The following PDE3B variants were observed in gnomAD, a reference collection of about 807,000 sequenced individuals.
The protein encoded by PDE3B is cGMP-inhibited 3',5'-cyclic phosphodiesterase 3B.
PDE3B carries 66 observed loss-of-function variants against 116.8 expected under a neutral mutation model. That is an observed-to-expected ratio of 0.56 (90% CI 0.46 to 0.69). The LOEUF is 0.69. Among genes scored for constraint, PDE3B ranks in the 30% least tolerant of loss-of-function variants. The pLI, the probability that PDE3B is intolerant of heterozygous loss-of-function variation, is 0.00. For missense variants in PDE3B, 1,384 were observed against 1,368.1 expected, an observed-to-expected ratio of 1.01 and a Z score of -0.18; for synonymous variants, 595 against 533.6, an observed-to-expected ratio of 1.12 and a Z score of -1.59.
At chr11:14,896,972 A>C in the PDE3B span, among the ~76,000 whole-genome samples, 1 of 152,246 alleles carries the variant, frequency 6.6e-6, no homozygotes, top group African/African-American at 2.4e-5. Context: ...ATGAAAAAGG[A>C]AACAATAATT....
At chr11:14,794,554 T>G (rs1778407138) in intron 4 of PDE3B, among the ~76,000 whole-genome samples, 1 of 152,132 alleles carries the variant, frequency 6.6e-6, no homozygotes, top group Non-Finnish European at 1.5e-5. Context: ...CCTCAGGTGA[T>G]CTGCCTGCCT....
At chr11:14,692,792 A>G (rs1441744827) in intron 1 of PDE3B, among the ~76,000 whole-genome samples, 3 of 152,112 alleles carry the variant, frequency 2.0e-5, no homozygotes, top group Non-Finnish European at 2.9e-5. Flanking sequence ...AAATGGGCCG[A>G]TTAATAATCC....
At chr11:14,652,266 T>C (rs1160625602) in intron 1 of PDE3B, among the ~76,000 whole-genome samples, 1 of 152,186 alleles carries the variant, frequency 6.6e-6, no homozygotes, top group East Asian at 1.9e-4. Context: ...AAGTGTTGGC[T>C]TCTTTGTTGA....
intron 4 of PDE3B, among the ~76,000 whole-genome samples, chr11:14,792,880 A>G (rs1285235468): frequency 6.6e-6 from 1 of 152,162 alleles, no homozygotes; most frequent in East Asian, 1.9e-4. Flanking sequence ...TCCCTTCTCC[A>G]AGGAGAAGTA....
chr11:14,888,284 C>A, the PDE3B span, among the ~76,000 whole-genome samples: 1 of 152,216 alleles, frequency 6.6e-6, no homozygotes, highest in Admixed American at 6.5e-5. Flanking sequence ...GTTTTGGTCA[C>A]TGCTATATCT....
intron 1 of PDE3B, among the ~76,000 whole-genome samples, chr11:14,765,103 A>G (rs1383330141): frequency 6.6e-6 from 1 of 152,018 alleles, no homozygotes; most frequent in Non-Finnish European, 1.5e-5. Flanking sequence ...AAAAAGTTGG[A>G]AACACTGAAT....
At chr11:14,714,717 C>T (rs1490498979) in intron 1 of PDE3B, among the ~76,000 whole-genome samples, 1 of 152,104 alleles carries the variant, frequency 6.6e-6, no homozygotes, top group African/African-American at 2.4e-5. Flanking sequence ...CCACCAGCCA[C>T]ACATAGCTAT....
At chr11:14,731,881 G>A (rs1056815324) in intron 1 of PDE3B, among the ~76,000 whole-genome samples, 15 of 152,134 alleles carry the variant, frequency 9.9e-5, no homozygotes, top group Middle Eastern at 3.2e-3. Context: ...CACTTATAGA[G>A]GGAAGTAGAA....
intron 1 of PDE3B, among the ~76,000 whole-genome samples, chr11:14,695,009 G>A (rs930316548): frequency 4.6e-5 from 7 of 151,962 alleles, no homozygotes; most frequent in African/African-American, 7.3e-5. Context: ...CAAGTATGCC[G>A]TATTCCCAGC....
intron 1 of PDE3B, among the ~76,000 whole-genome samples, chr11:14,759,761 A>G (rs962032735): frequency 1.3e-5 from 2 of 151,774 alleles, no homozygotes; most frequent in Admixed American, 1.3e-4. Context: ...GTTGGCCCAG[A>G]TGGTCTCTAT....
intron 1 of PDE3B, among the ~76,000 whole-genome samples, chr11:14,758,496 GTTC>G (rs1248204176): frequency 1.3e-5 from 2 of 148,456 alleles, no homozygotes; most frequent in African/African-American, 2.5e-5. Context: ...GTGGTTTGTA[GTTC>G]TTCTTGAAGA....
chr11:14,722,613 T>A (rs1446951792), intron 1 of PDE3B, among the ~76,000 whole-genome samples: 1 of 152,158 alleles, frequency 6.6e-6, no homozygotes, highest in African/African-American at 2.4e-5. Flanking sequence ...TAAAAAGTTT[T>A]TTGAAGAGCT....
downstream of PDE3B, among the ~76,000 whole-genome samples, chr11:14,873,076 A>T (rs1441213939): frequency 6.6e-6 from 1 of 152,356 alleles, no homozygotes; most frequent in East Asian, 1.9e-4. Flanking sequence ...GTAGATCCCC[A>T]GACTAGTTTT....
At chr11:14,898,533 A>T in the PDE3B span, among the ~76,000 whole-genome samples, 1 of 152,070 alleles carries the variant, frequency 6.6e-6, no homozygotes, top group Non-Finnish European at 1.5e-5. Context: ...ATTTACAGCA[A>T]CTTTATAGAA....
At chr11:14,738,785 G>A (rs759637786) in intron 1 of PDE3B, among the ~76,000 whole-genome samples, 1 of 152,162 alleles carries the variant, frequency 6.6e-6, no homozygotes, top group Non-Finnish European at 1.5e-5. Flanking sequence ...TGTATAAGGT[G>A]TAAGAAAGGG....
At chr11:14,793,325 C>T (rs1483269434) in intron 4 of PDE3B, among the ~76,000 whole-genome samples, 1 of 151,766 alleles carries the variant, frequency 6.6e-6, no homozygotes, top group Admixed American at 6.6e-5. Flanking sequence ...GGATACAACC[C>T]AATATTCATT....
At chr11:14,888,941 T>G in the PDE3B span, among the ~76,000 whole-genome samples, 1 of 152,224 alleles carries the variant, frequency 6.6e-6, no homozygotes. Context: ...AGACTAAGAT[T>G]AAAGTTACTG....
intron 1 of PDE3B, among the ~76,000 whole-genome samples, chr11:14,736,677 A>G (rs1856609427): frequency 6.6e-6 from 1 of 152,210 alleles, no homozygotes; most frequent in South Asian, 2.1e-4. Context: ...CAAACAGACT[A>G]TATATTTTTT....
At position 14,703,044 on chromosome 11, in the gene PDE3B, T is replaced by G. The variant is rs1855418281; in HGVS notation, c.978+57991T>G. ...TTTTCTAGAGATCCAAATCCTGGTCTTCTGTCAGTCTGAGGCAAGTAGTCA... is the reference window on the plus strand; with the variant it reads ...TTTTCTAGAGATCCAAATCCTGGTCGTCTGTCAGTCTGAGGCAAGTAGTCA... On this transcript the variant is annotated intron_variant, in intron 1 of 15. Transcript: ENST00000282096. Among the ~76,000 whole-genome samples the G allele has an allele frequency of 2.0e-5, 3 of 151,894 alleles. No individual in the cohort carries two copies. The South Asian group carries it at 6.2e-4, about 31-fold the overall frequency.
Sources: gnomAD v4.1 joint callset for allele counts (sites outside exome capture counted in the v4.1 genomes callset) on GRCh38, gnomAD v4.1.1 for gene constraint, MANE v1.5 for transcripts, NCBI Gene and HGNC (gene_info 2026-07-23, HGNC 2026-07-21) for gene names.